Variants in SNTG1 observed in about 807,000 individuals in gnomAD.
SNTG1 encodes syntrophin gamma 1.
A neutral mutation model predicts 74.7 loss-of-function variants in SNTG1; 39 were observed. The ratio of observed to expected loss-of-function variants is 0.52; its 90% CI spans 0.40 to 0.68. The LOEUF is 0.68. Among genes scored for constraint, SNTG1 ranks in the 30% least tolerant of loss-of-function variants. The pLI, the probability that SNTG1 is intolerant of heterozygous loss-of-function variation, is 0.00. For missense variants in SNTG1, 685 were observed against 609.5 expected, an observed-to-expected ratio of 1.12 and a Z score of -1.30; for synonymous variants, 254 against 217.1, an observed-to-expected ratio of 1.17 and a Z score of -1.49.
At chr8:50,561,158 C>T (rs551446011) in intron 12 of SNTG1, among the ~76,000 whole-genome samples, 183 of 152,164 alleles carry the variant, frequency 1.2e-3, no homozygotes, top group African/African-American at 4.2e-3. Context: ...TGAGTGAGTT[C>T]TCATGAAAGC....
At chr8:50,772,738 C>T (rs1250432625) in intron 18 of SNTG1, among the ~76,000 whole-genome samples, 1 of 151,980 alleles carries the variant, frequency 6.6e-6, no homozygotes, top group Non-Finnish European at 1.5e-5. Context: ...GAATGTGAGG[C>T]CTAGAGGGAA....
chr8:50,522,999 T>C lies in SNTG1; in HGVS notation c.467-7178T>C, dbSNP rs140024142. Among the ~76,000 whole-genome samples the C allele has an allele frequency of 1.2e-3, 189 of 152,358 alleles. 1 individual carries two copies. The highest frequency in any genetic ancestry group is 4.3e-3 in the African/African-American group (180 of 41,594). On this transcript the variant is annotated intron_variant, in intron 9 of 18. Coordinates refer to ENST00000642720, the MANE Select transcript of SNTG1 (RefSeq NM_018967.5). The stretch of plus-strand genomic sequence containing the variant: ...ATTCATCATTAATCCTAGCCCTAGT[T>C]ATAGCTTCTAAAGCTCCTGCAACAG...
At chr8:50,452,416 C>T (rs926361217) in intron 8 of SNTG1, among the ~76,000 whole-genome samples, 1 of 152,222 alleles carries the variant, frequency 6.6e-6, no homozygotes, top group African/African-American at 2.4e-5. Context: ...TGTAACTTGA[C>T]TCTTTTTTCA....
At chr8:50,137,579 G>A (rs977535484) in intron 1 of SNTG1, among the ~76,000 whole-genome samples, 3 of 152,168 alleles carry the variant, frequency 2.0e-5, no homozygotes, top group African/African-American at 7.2e-5. Flanking sequence ...GTATTCCCGA[G>A]AATAAATAAG....
At chr8:50,266,665 T>C (rs1190173154) in intron 2 of SNTG1, among the ~76,000 whole-genome samples, 2 of 117,506 alleles carry the variant, frequency 1.7e-5, no homozygotes, top group African/African-American at 5.9e-5. Context: ...TGTGTGTGTG[T>C]GTGTGTGTGT....
chr8:50,356,018 C>G (rs2091806948), intron 2 of SNTG1, among the ~76,000 whole-genome samples: 1 of 152,136 alleles, frequency 6.6e-6, no homozygotes, highest in African/African-American at 2.4e-5. Context: ...TTCTGCTGCC[C>G]AAATCCTGTA....
chr8:49,944,990 A>G (rs1221448414), intron 1 of SNTG1, among the ~76,000 whole-genome samples: 1 of 152,034 alleles, frequency 6.6e-6, no homozygotes, highest in Non-Finnish European at 1.5e-5. Context: ...AGGTTTCACC[A>G]GTTGGGCAGG....
chr8:50,518,967 A>G (rs527840082), intron 9 of SNTG1, among the ~76,000 whole-genome samples: 1 of 152,178 alleles, frequency 6.6e-6, no homozygotes, highest in East Asian at 1.9e-4. Context: ...GGCCATTATC[A>G]TCCTAATACT....
chr8:50,076,569 A>T (rs1586165935), intron 1 of SNTG1, among the ~76,000 whole-genome samples: 1 of 152,166 alleles, frequency 6.6e-6, no homozygotes, highest in South Asian at 2.1e-4. Flanking sequence ...AAGCTAATAT[A>T]TATTTAGGCC....
chr8:50,004,260 C>T (rs933274247), intron 1 of SNTG1, among the ~76,000 whole-genome samples: 1 of 152,130 alleles, frequency 6.6e-6, no homozygotes, highest in African/African-American at 2.4e-5. Context: ...GGATGTTTAA[C>T]ATACATTATT....
chr8:50,278,007 T>C (rs769810230), intron 2 of SNTG1, among the ~76,000 whole-genome samples: 2 of 152,008 alleles, frequency 1.3e-5, no homozygotes, highest in Admixed American at 6.6e-5. Flanking sequence ...AACCCAGCTG[T>C]ACTAAAAATA....
At chr8:49,945,187 T>G (rs1187198561) in intron 1 of SNTG1, among the ~76,000 whole-genome samples, 1 of 152,180 alleles carries the variant, frequency 6.6e-6, no homozygotes, top group African/African-American at 2.4e-5. Context: ...TATTTCATCT[T>G]TAGTCTTTGG....
chr8:50,554,626 G>A (rs979051357), intron 12 of SNTG1, among the ~76,000 whole-genome samples: 3 of 151,962 alleles, frequency 2.0e-5, no homozygotes, highest in African/African-American at 7.3e-5. Context: ...CTAATCTGGT[G>A]TTGTCACCAT....
intron 15 of SNTG1, among the ~76,000 whole-genome samples, chr8:50,679,619 T>G (rs1408847363): frequency 1.3e-5 from 2 of 152,156 alleles, no homozygotes; most frequent in African/African-American, 4.8e-5. Flanking sequence ...TCCAGTGTCA[T>G]TCTCACTTTT....
intron 18 of SNTG1, among the ~76,000 whole-genome samples, chr8:50,780,635 T>C (rs1015884243): frequency 3.7e-4 from 56 of 152,320 alleles, no homozygotes; most frequent in Non-Finnish European, 4.0e-4. Context: ...TCAACTTTGT[T>C]GATCTTTTCA....
chr8:50,582,604 G>A (rs972537907), intron 12 of SNTG1, among the ~76,000 whole-genome samples: 22 of 151,820 alleles, frequency 1.4e-4, no homozygotes, highest in East Asian at 3.9e-4. Context: ...ATTTATTTGA[G>A]GTACTGCAAT....
At chr8:50,032,338 A>G (rs1817804691) in intron 1 of SNTG1, among the ~76,000 whole-genome samples, 1 of 151,352 alleles carries the variant, frequency 6.6e-6, no homozygotes, top group South Asian at 2.1e-4. Flanking sequence ...TTGGGAGTTA[A>G]TTTTGCTCTT....
At chr8:50,524,068 CATTT>C (rs1173811421) in intron 9 of SNTG1, among the ~76,000 whole-genome samples, 3 of 152,066 alleles carry the variant, frequency 2.0e-5, no homozygotes, top group Non-Finnish European at 4.4e-5. Context: ...TAGCTACTTT[CATTT>C]GTTTCCTTGT....
intron 8 of SNTG1, among the ~76,000 whole-genome samples, chr8:50,488,831 G>T (rs574726044): frequency 6.6e-6 from 1 of 152,228 alleles, no homozygotes; most frequent in East Asian, 1.9e-4. Flanking sequence ...AGAACGCGCA[G>T]GTTTGTTACA....
Sources: allele counts gnomAD v4.1 joint callset (sites outside exome capture counted in the v4.1 genomes callset), GRCh38; gene constraint gnomAD v4.1.1; transcripts MANE v1.5; gene names NCBI Gene and HGNC (gene_info 2026-07-23, HGNC 2026-07-21).